The following ZNF277 variants were observed in gnomAD, a reference collection of about 807,000 sequenced individuals.
The protein encoded by ZNF277 is nuclear receptor-interacting factor 4.
ZNF277 carries 55 observed loss-of-function variants against 60.7 expected under a neutral mutation model. That is an observed-to-expected ratio of 0.91 (90% CI 0.73 to 1.13). ZNF277 has a LOEUF of 1.13. ZNF277 is among the 50% of genes most tolerant of loss of function. The probability of loss-of-function intolerance (pLI) is 0.00; values close to 1 mark genes in which losing one functional copy is unlikely to be tolerated. For synonymous variants in ZNF277, 178 were observed against 179.3 expected (o/e 0.99, Z 0.06); for missense variants, 510 against 523.0 (o/e 0.98, Z 0.24).
chr7:112,214,189 G>A (rs550540844), intron 1 of ZNF277, among the ~76,000 whole-genome samples: 2 of 152,060 alleles, frequency 1.3e-5, no homozygotes, highest in Non-Finnish European at 2.9e-5. Context: ...ACTTCCATCT[G>A]GAAAAACTGT....
In ZNF277 at chr7:112,341,088, CT is replaced by C. The variant is rs1241775804; in HGVS notation, c.1184+45del. On this transcript the variant is annotated intron_variant, in intron 11 of 11. Transcript: ENST00000361822. ...CAAATGTGCACTTCTTACTCCAACT[CT>C]TTGATTTTGTCCCTTTATTTAATTT... The C allele has an allele frequency of 4.6e-6, 7 of 1,507,854 alleles. No individual in the cohort carries two copies. The Middle Eastern group carries it at 5.3e-4, about 113-fold the overall frequency. The allele number at this position is 1,507,854 out of a possible 1,614,324, so 93.4% of individuals were successfully genotyped here.
In ZNF277 at chr7:112,337,738, C is replaced by A; in HGVS notation, c.878C>A (p.Ser293Tyr). 6.2e-7 allele frequency: 1 copy of A among 1,611,652 alleles called. No homozygotes were observed. Among genetic ancestry groups the A allele is most frequent in the South Asian group, 1.1e-5 (1 of 90,978 alleles). Reference protein sequence around the residue: ...ELLDHQEDDWSDWEEHPASAV... With the variant: ...ELLDHQEDDWYDWEEHPASAV... ...CCTCTTTTTTAATTCAGTGACTGGT[C>A]TGATTGGGAAGAACACCCTGCCTCT... Residue 293 changes from serine to tyrosine, a missense_variant, in exon 9 of 12, where the codon TCT becomes TAT. Coordinates refer to ENST00000361822, the MANE Select transcript of ZNF277 (RefSeq NM_021994.3).
At chr7:112,236,697 A>G (rs551596188) in intron 1 of ZNF277, among the ~76,000 whole-genome samples, 1 of 152,262 alleles carries the variant, frequency 6.6e-6, no homozygotes, top group African/African-American at 2.4e-5. Flanking sequence ...TTCACTATTT[A>G]CTTTCCATAT....
chr7:112,265,115 G>A (rs1349516012), intron 1 of ZNF277, among the ~76,000 whole-genome samples: 1 of 152,146 alleles, frequency 6.6e-6, no homozygotes, highest in Admixed American at 6.6e-5. Flanking sequence ...AGCACTTTCA[G>A]CCCCCTTCAA....
At chr7:112,334,942 T>C (rs933504600) in intron 7 of ZNF277, among the ~76,000 whole-genome samples, 3 of 152,138 alleles carry the variant, frequency 2.0e-5, no homozygotes, top group Admixed American at 1.3e-4. Flanking sequence ...GGAAGTACAT[T>C]ATAGAGTCCA....
chr7:112,293,234 C>T (rs1563218291), intron 2 of ZNF277, among the ~76,000 whole-genome samples: 2 of 152,068 alleles, frequency 1.3e-5, no homozygotes, highest in Non-Finnish European at 1.5e-5. Flanking sequence ...CTGCTTCTAG[C>T]ATAAGATCTG....
intron 1 of ZNF277, among the ~76,000 whole-genome samples, chr7:112,222,713 G>C (rs939220301): frequency 4.6e-5 from 7 of 152,134 alleles, no homozygotes; most frequent in African/African-American, 1.7e-4. Context: ...CTTGGGATAT[G>C]AATAGGCATG....
chr7:112,213,027 G>A (rs537627004), intron 1 of ZNF277, among the ~76,000 whole-genome samples: 1 of 152,322 alleles, frequency 6.6e-6, no homozygotes, highest in Admixed American at 6.5e-5. Flanking sequence ...TGGTTTGGCT[G>A]TGTCCCCACC....
intron 1 of ZNF277, among the ~76,000 whole-genome samples, chr7:112,277,769 C>T (rs989459516): frequency 3.0e-4 from 46 of 152,050 alleles, no homozygotes; most frequent in African/African-American, 1.0e-3. Context: ...GCCTATTTGT[C>T]TTATCATTAT....
chr7:112,272,696 G>A (rs912734450), intron 1 of ZNF277, among the ~76,000 whole-genome samples: 4 of 152,112 alleles, frequency 2.6e-5, no homozygotes, highest in African/African-American at 9.7e-5. Flanking sequence ...GTTTCACCAT[G>A]TTGGCCAGGC....
At chr7:112,299,785 CTTG>C (rs1792433127) in intron 4 of ZNF277, among the ~76,000 whole-genome samples, 2 of 152,068 alleles carry the variant, frequency 1.3e-5, no homozygotes, top group African/African-American at 4.8e-5. Flanking sequence ...AGGATCTCAA[CTTG>C]AGGATCTCAA....
chr7:112,230,050 G>A (rs1285534226), intron 1 of ZNF277, among the ~76,000 whole-genome samples: 4 of 152,236 alleles, frequency 2.6e-5, no homozygotes, highest in Admixed American at 6.5e-5. Flanking sequence ...TGGGCCATGC[G>A]AAAGAACTTG....
intron 1 of ZNF277, among the ~76,000 whole-genome samples, chr7:112,263,167 G>T (rs1791471946): frequency 6.6e-6 from 1 of 152,198 alleles, no homozygotes; most frequent in Non-Finnish European, 1.5e-5. Flanking sequence ...ATACGTACTT[G>T]TAAGGCACAG....
At chr7:112,220,999 C>G (rs1010864574) in intron 1 of ZNF277, among the ~76,000 whole-genome samples, 2 of 152,078 alleles carry the variant, frequency 1.3e-5, no homozygotes, top group African/African-American at 4.8e-5. Flanking sequence ...TGTTTGTTAC[C>G]GCTCGAGCTG....
At chr7:112,216,864 T>C (rs1440067323) in intron 1 of ZNF277, among the ~76,000 whole-genome samples, 11 of 152,112 alleles carry the variant, frequency 7.2e-5, no homozygotes, top group Admixed American at 6.5e-4. Context: ...GGTTAGAAAA[T>C]TGGCTGAGAA....
chr7:112,309,739 G>A (rs1032700218), intron 4 of ZNF277, among the ~76,000 whole-genome samples: 1 of 151,912 alleles, frequency 6.6e-6, no homozygotes, highest in Non-Finnish European at 1.5e-5. Flanking sequence ...ACAAATTGGG[G>A]GTTCCTCAGG....
In ZNF277 at chr7:112,286,898, G is replaced by C; in HGVS notation, c.117G>C (p.Pro39=). ...YGDSKDCILE[P]LSLPESPGGT... is the part of the protein sequence containing the mutation. ...ACAGTAAGGATTGTATCCTGGAGCCGCTTTCCCTGCCAGAAAGTCCAGGTG... is the reference window on the plus strand; with the variant it reads ...ACAGTAAGGATTGTATCCTGGAGCCCCTTTCCCTGCCAGAAAGTCCAGGTG... Residue 39 remains proline (P), a synonymous_variant, in exon 2 of 12, where the codon CCG becomes CCC. Transcript: ENST00000361822. 1 of 1,554,314 alleles carries C rather than the reference G, an allele frequency of 6.4e-7. No homozygotes were observed. The highest frequency in any genetic ancestry group is 8.7e-7 in the Non-Finnish European group (1 of 1,150,668).
intron 1 of ZNF277, among the ~76,000 whole-genome samples, chr7:112,254,477 T>G (rs2117014047): frequency 6.6e-6 from 1 of 152,362 alleles, no homozygotes; most frequent in East Asian, 1.9e-4. Flanking sequence ...TTTGTGTGTG[T>G]GTCTGGGGTT....
At chr7:112,299,055 C>T (rs1402736858) in intron 4 of ZNF277, among the ~76,000 whole-genome samples, 2 of 151,984 alleles carry the variant, frequency 1.3e-5, no homozygotes, top group East Asian at 1.9e-4. Context: ...TTACAATAGC[C>T]CGCCACTGGA....
Sources: gnomAD v4.1 joint callset for allele counts (sites outside exome capture counted in the v4.1 genomes callset) on GRCh38, gnomAD v4.1.1 for gene constraint, MANE v1.5 for transcripts, NCBI Gene and HGNC (gene_info 2026-07-23, HGNC 2026-07-21) for gene names.